The following C5orf22 variants were observed in gnomAD, a reference collection of about 807,000 sequenced individuals.
C5orf22 encodes the protein chromosome 5 open reading frame 22, also known as UPF0489 protein C5orf22.
A neutral mutation model predicts 48.7 loss-of-function variants in C5orf22; 36 were observed. That is an observed-to-expected ratio of 0.74 (90% CI 0.57 to 0.98). The LOEUF is 0.98. Ranked by LOEUF, C5orf22 falls within the 50% of genes least tolerant of loss-of-function variation. The probability of loss-of-function intolerance (pLI) is 0.00; values close to 1 mark genes in which losing one functional copy is unlikely to be tolerated. For synonymous variants in C5orf22, 141 were observed against 180.8 expected, an observed-to-expected ratio of 0.78 and a Z score of 1.76; for missense variants, 486 against 521.9, an observed-to-expected ratio of 0.93 and a Z score of 0.67.
chr5:31,552,966 TTG>T lies in C5orf22; in HGVS notation c.*66_*67del. The T allele has an allele frequency of 6.8e-7, 1 of 1,462,616 alleles. No homozygotes were observed. The highest frequency in any genetic ancestry group is 9.5e-7 in the Non-Finnish European group (1 of 1,055,180). The allele number at this position is 1,462,616 out of a possible 1,614,324, so 90.6% of individuals were successfully genotyped here. The stretch of plus-strand genomic sequence containing the variant: ...AGTAACAGGCCCTTAATTAACTTAT[TTG>T]TACATGAGTCTTCCAGAGAACACTG... On this transcript the variant is annotated 3_prime_UTR_variant, in exon 9 of 9. Transcript: ENST00000325366.
rs1436699488 is a variant in C5orf22 at position 31,540,924 on chromosome 5, G to A, written c.808-25G>A. ...ATTTTAACTTTTTTTTTTCTGGTATGTGGATTTTTTGTTTTGTTTTCCAGG... is the reference window on the plus strand; with the variant it reads ...ATTTTAACTTTTTTTTTTCTGGTATATGGATTTTTTGTTTTGTTTTCCAGG... On this transcript the variant is annotated intron_variant, in intron 4 of 8. Coordinates refer to ENST00000325366, the MANE Select transcript of C5orf22 (RefSeq NM_018356.3). The A allele has an allele frequency of 1.9e-6, 3 of 1,568,542 alleles. No homozygotes were observed. In the East Asian group the frequency reaches 6.7e-5, roughly 35 times the overall value.
intron 1 of C5orf22, among the ~76,000 whole-genome samples, chr5:31,533,354 A>G (rs1741828409): frequency 6.6e-6 from 1 of 152,194 alleles, no homozygotes; most frequent in Non-Finnish European, 1.5e-5. Flanking sequence ...TACAGTAGCC[A>G]AATTGGTGTC....
chr5:31,540,409 C>T (rs186071706), intron 4 of C5orf22, among the ~76,000 whole-genome samples: 1 of 152,296 alleles, frequency 6.6e-6, no homozygotes, highest in African/African-American at 2.4e-5. Flanking sequence ...TCTTTCTCCC[C>T]TTGTGTGGTG....
rs1203264028 is a variant in C5orf22 at position 31,553,160 on chromosome 5, TTTTTG to T, written c.*262_*266del. Reference sequence around the variant, plus strand: ...AGTATTTTTTAGGGTTTTGTTTTTTTTTTTGTTTGTTTGTTTGTTTGTCTTCACTT... The same window carrying T: ...AGTATTTTTTAGGGTTTTGTTTTTTTTTTGTTTGTTTGTTTGTCTTCACTT... On this transcript the variant is annotated 3_prime_UTR_variant, in exon 9 of 9. Transcript: ENST00000325366. The T allele has an allele frequency of 1.8e-5, 5 of 281,308 alleles. No homozygotes were observed. The highest frequency in any genetic ancestry group is 7.1e-5 in the East Asian group (1 of 14,130). 17.4% of individuals were successfully genotyped at this position (281,308 alleles called of 1,614,324 possible). A position where few individuals can be genotyped will look rare whatever the true frequency, so the allele number is the denominator to read the frequency against.
intron 7 of C5orf22, chr5:31,548,606 G>T (rs1403643605): frequency 4.4e-6 from 2 of 450,410 alleles, no homozygotes; most frequent in South Asian, 3.2e-5. Context: ...GTTCCAAACT[G>T]TCCAACATTT....
At chr5:31,539,216 T>TA (rs1376872003) in intron 4 of C5orf22, among the ~76,000 whole-genome samples, 18 of 152,216 alleles carry the variant, frequency 1.2e-4, no homozygotes, top group Admixed American at 1.1e-3. Flanking sequence ...AGAGATGACT[T>TA]AAAGTATATG....
At position 31,541,838 on chromosome 5, in the gene C5orf22, G is replaced by GTGTT. The variant is rs1386379691; in HGVS notation, c.992+438_992+441dup. On this transcript the variant is annotated intron_variant, in intron 6 of 8. Coordinates refer to ENST00000325366, the MANE Select transcript of C5orf22 (RefSeq NM_018356.3). ...TACTAACAATAGTAGACATTATTGA[G>GTGTT]TGTTTTCTGTGTACCCTTTATCTAA... Among the ~76,000 whole-genome samples the GTGTT allele has an allele frequency of 9.9e-5, 15 of 152,282 alleles. No individual in the cohort carries two copies. The East Asian group carries it at 2.7e-3, about 27-fold the overall frequency.
At chr5:31,545,241 C>T (rs147662027) in intron 6 of C5orf22, among the ~76,000 whole-genome samples, 3 of 151,726 alleles carry the variant, frequency 2.0e-5, no homozygotes, top group African/African-American at 4.8e-5. Context: ...TATTTTTAGT[C>T]GAGACAGGGT....
In C5orf22 at chr5:31,534,272, G is replaced by A; in HGVS notation, c.82G>A (p.Val28Ile). Reference sequence around the variant, plus strand: ...TATTGTGTGCCTGTGTCTTTTACAGGTTCTACCCTTTATATACCGGGCCAT... The same window carrying A: ...TATTGTGTGCCTGTGTCTTTTACAGATTCTACCCTTTATATACCGGGCCAT... ...PVWVVEDHQE[V>I]LPFIYRAIGS... Residue 28 changes from valine to isoleucine, a missense_variant and splice_region_variant, in exon 2 of 9, where the codon GTT becomes ATT. By Grantham distance (29) the Val-to-Ile change is conservative. Coordinates refer to ENST00000325366, the MANE Select transcript of C5orf22 (RefSeq NM_018356.3). 1 of 1,611,262 alleles carries A rather than the reference G, an allele frequency of 6.2e-7. No homozygotes were observed. Among genetic ancestry groups the A allele is most frequent in the Non-Finnish European group, 8.5e-7 (1 of 1,179,020 alleles).
chr5:31,549,037 T>C (rs1393581103), intron 7 of C5orf22, among the ~76,000 whole-genome samples: 2 of 152,062 alleles, frequency 1.3e-5, no homozygotes, highest in African/African-American at 4.8e-5. Context: ...CTGACCAGCA[T>C]GGAGAAACCC....
intron 7 of C5orf22, among the ~76,000 whole-genome samples, chr5:31,550,628 C>T (rs1032579029): frequency 4.6e-5 from 7 of 152,046 alleles, no homozygotes; most frequent in African/African-American, 1.4e-4. Flanking sequence ...TGCAATGGCA[C>T]GATCTTGGCT....
At chr5:31,536,254 C>T (rs1297746776) in intron 3 of C5orf22, among the ~76,000 whole-genome samples, 1 of 152,226 alleles carries the variant, frequency 6.6e-6, no homozygotes, top group East Asian at 1.9e-4. Flanking sequence ...GCCGCAGTGG[C>T]TCACGCCTGT....
At chr5:31,532,551 C>T (rs1741619218) in intron 1 of C5orf22, 78 bp downstream of exon 1, 3 of 1,274,522 alleles carry the variant, frequency 2.4e-6, no homozygotes. Context: ...GAGGGCGCAA[C>T]CTTAGCATCG....
chr5:31,550,642 T>C (rs1006883214), intron 7 of C5orf22, among the ~76,000 whole-genome samples: 7 of 152,312 alleles, frequency 4.6e-5, no homozygotes, highest in African/African-American at 1.2e-4. Flanking sequence ...CTTGGCTCAC[T>C]GTAACCTCTG....
chr5:31,542,467 C>CAA (rs34647885), intron 6 of C5orf22, among the ~76,000 whole-genome samples: 1 of 104,444 alleles, frequency 9.6e-6, no homozygotes, highest in African/African-American at 3.5e-5. Flanking sequence ...GACTCCGTCT[C>CAA]AAAAAAAAAA....
chr5:31,550,935 A>G (rs1025665610), intron 7 of C5orf22, among the ~76,000 whole-genome samples: 4 of 152,220 alleles, frequency 2.6e-5, no homozygotes, highest in African/African-American at 7.2e-5. Flanking sequence ...CCCAAGCCCA[A>G]TGAAGTAGTT....
rs571072908 is a variant in C5orf22 at position 31,552,966 on chromosome 5, T to A, written c.*64T>A. 1.4e-5 allele frequency: 20 copies of A among 1,462,616 alleles called. No homozygotes were observed. In the African/African-American group the frequency reaches 2.8e-4, roughly 21 times the overall value. The allele number at this position is 1,462,616 out of a possible 1,614,324, so 90.6% of individuals were successfully genotyped here. ...AGTAACAGGCCCTTAATTAACTTAT[T>A]TGTACATGAGTCTTCCAGAGAACAC... On this transcript the variant is annotated 3_prime_UTR_variant, in exon 9 of 9. Coordinates refer to ENST00000325366, the MANE Select transcript of C5orf22 (RefSeq NM_018356.3).
chr5:31,540,098 ACT>A, intron 4 of C5orf22, among the ~76,000 whole-genome samples: 1 of 152,158 alleles, frequency 6.6e-6, no homozygotes, highest in South Asian at 2.1e-4. Context: ...TCTGTTGTTA[ACT>A]CTACTGCTTA....
At chr5:31,543,524 C>T (rs985638793) in intron 6 of C5orf22, among the ~76,000 whole-genome samples, 5 of 151,900 alleles carry the variant, frequency 3.3e-5, no homozygotes, top group African/African-American at 4.8e-5. Flanking sequence ...GAGCTGAGAT[C>T]GCACCACTGC....
Sources: allele counts gnomAD v4.1 joint callset (sites outside exome capture counted in the v4.1 genomes callset), GRCh38; gene constraint gnomAD v4.1.1; transcripts MANE v1.5; gene names NCBI Gene and HGNC (gene_info 2026-07-23, HGNC 2026-07-21).